CFAP54: variants seen among roughly 807,000 people sequenced by gnomAD.
The protein encoded by CFAP54 is cilia and flagella associated protein 54.
In CFAP54, 290 loss-of-function variants were observed where a neutral mutation model predicts 370.4. The ratio of observed to expected loss-of-function variants is 0.78; its 90% CI spans 0.71 to 0.86. CFAP54 has a LOEUF of 0.86. Ranked by LOEUF, CFAP54 falls within the 40% of genes least tolerant of loss-of-function variation. The pLI is 0.00. For synonymous variants in CFAP54, 1,206 were observed against 1,236.5 expected, an observed-to-expected ratio of 0.98 and a Z score of 0.52; for missense variants, 3,399 against 3,528.7, an observed-to-expected ratio of 0.96 and a Z score of 0.93.
intron 63 of CFAP54, among the ~76,000 whole-genome samples, chr12:96,801,290 G>T (rs946085352): frequency 1.3e-5 from 2 of 152,144 alleles, no homozygotes; most frequent in African/African-American, 4.8e-5. Context: ...TTGAGTATAC[G>T]AGGTAGAAAT....
chr12:96,518,617 CG>C (rs756053161), intron 5 of CFAP54, among the ~76,000 whole-genome samples: 76 of 152,222 alleles, frequency 5.0e-4, no homozygotes, highest in Admixed American at 2.0e-3. Context: ...ACCCAGGGGG[CG>C]GAGGTTGCAG....
At chr12:96,672,060 C>T (rs1957153189) in intron 39 of CFAP54, among the ~76,000 whole-genome samples, 2 of 151,808 alleles carry the variant, frequency 1.3e-5, no homozygotes, top group Non-Finnish European at 1.5e-5. Context: ...CAGGAACTGG[C>T]AGGAAATGTA....
rs776160535 is a variant in CFAP54 at position 96,504,070 on chromosome 12, T to TA, written c.567+42dup. The TA allele has an allele frequency of 2.0e-6, 3 of 1,468,416 alleles. No homozygotes were observed. In the South Asian group the frequency reaches 4.2e-5, roughly 20 times the overall value. The allele number at this position is 1,468,416 out of a possible 1,614,324, so 91.0% of individuals were successfully genotyped here. A position where few individuals can be genotyped will look rare whatever the true frequency, so the allele number is the denominator to read the frequency against. ...AGCTGAAATAGCTACAATTTATGAT[T>TA]AGCTATACAATGTATCTTTTAGTTG... On this transcript the variant is annotated intron_variant, in intron 3 of 67. Coordinates refer to ENST00000524981, the MANE Select transcript of CFAP54 (RefSeq NM_001306084.2).
intron 2 of CFAP54, among the ~76,000 whole-genome samples, chr12:96,503,399 C>G (rs1318426143): frequency 2.9e-5 from 4 of 136,782 alleles, no homozygotes; most frequent in African/African-American, 8.2e-5. Flanking sequence ...TTCCCTTCCT[C>G]CCTTCCTCTC....
intron 28 of CFAP54, among the ~76,000 whole-genome samples, chr12:96,625,157 A>G (rs967239384): frequency 6.6e-6 from 1 of 152,198 alleles, no homozygotes; most frequent in African/African-American, 2.4e-5. Context: ...TACTATTTTT[A>G]TAAAATATAC....
chr12:96,652,298 A>T (rs1448784093), intron 36 of CFAP54, among the ~76,000 whole-genome samples: 2 of 152,220 alleles, frequency 1.3e-5, no homozygotes, highest in African/African-American at 4.8e-5. Flanking sequence ...AATATAACCT[A>T]AACGCATTGA....
At chr12:96,826,366 T>TTATATATATTCAATATATTGTTA (rs951365968) in intron 65 of CFAP54, among the ~76,000 whole-genome samples, 31 of 137,022 alleles carry the variant, frequency 2.3e-4, no homozygotes, top group African/African-American at 7.5e-4. Context: ...ATACATATAG[T>TTATATATATTCAATATATTGTTA]TATATATATT....
At position 96,701,998 on chromosome 12, in the gene CFAP54, A is replaced by C. The variant is rs543861824; in HGVS notation, c.6474+1905A>C. 3.9e-5 allele frequency among the ~76,000 whole-genome samples: 6 copies of C among 152,262 alleles called. No homozygotes were observed. The South Asian group carries it at 1.2e-3, about 32-fold the overall frequency. On this transcript the variant is annotated intron_variant, in intron 46 of 67. Coordinates refer to ENST00000524981, the MANE Select transcript of CFAP54 (RefSeq NM_001306084.2). ...CACCAGTTAGGAGGCTGTTGCAGAT[A>C]ATCTGGGTGGGGCATAATAGTGATT...
intron 23 of CFAP54, among the ~76,000 whole-genome samples, chr12:96,592,258 G>A (rs1008683889): frequency 6.6e-6 from 1 of 152,124 alleles, no homozygotes; most frequent in East Asian, 1.9e-4. Flanking sequence ...ATAACTTTAT[G>A]TATTAGAACC....
intron 35 of CFAP54, among the ~76,000 whole-genome samples, chr12:96,650,419 T>C (rs1592687173): frequency 6.6e-6 from 1 of 152,304 alleles, no homozygotes; most frequent in South Asian, 2.1e-4. Context: ...GGGGTTCCTC[T>C]ATGGGGACTT....
At chr12:96,678,469 C>T (rs1565939591) in intron 39 of CFAP54, among the ~76,000 whole-genome samples, 1 of 152,160 alleles carries the variant, frequency 6.6e-6, no homozygotes, top group Non-Finnish European at 1.5e-5. Flanking sequence ...CCAGGATGGT[C>T]TCAAACTCCT....
At chr12:96,669,383 A>G in intron 39 of CFAP54, among the ~76,000 whole-genome samples, 1 of 152,222 alleles carries the variant, frequency 6.6e-6, no homozygotes, top group Non-Finnish European at 1.5e-5. Context: ...GTGTTTTTGA[A>G]AACCTTTGTC....
chr12:96,530,753 G>T (rs989346234), intron 9 of CFAP54, among the ~76,000 whole-genome samples: 2 of 152,214 alleles, frequency 1.3e-5, no homozygotes, highest in African/African-American at 4.8e-5. Context: ...GTGAGAACCT[G>T]TCATACTATT....
Position 96,743,844 on chromosome 12 carries a change from A to G in CFAP54, c.7491A>G (p.Glu2497=), listed in dbSNP as rs1958080735. Residue 2497 remains glutamate (E), a synonymous_variant, in exon 54 of 68, where the codon GAA becomes GAG. Transcript: ENST00000524981. Reference sequence around the variant, plus strand: ...TAACCAAAGCTGAGAAATTCAAGGAATCTCCCTCTTCAAAAACAGGAAAAT... The same window carrying G: ...TAACCAAAGCTGAGAAATTCAAGGAGTCTCCCTCTTCAAAAACAGGAAAAT... The part of the protein sequence containing the change: ...DDLTKAEKFK[E]SPSSKTGKLN... 1 of 1,613,834 alleles carries G rather than the reference A, an allele frequency of 6.2e-7. No individual in the cohort carries two copies.
intron 32 of CFAP54, among the ~76,000 whole-genome samples, chr12:96,632,436 A>G (rs1394982314): frequency 6.6e-6 from 1 of 152,032 alleles, no homozygotes; most frequent in Non-Finnish European, 1.5e-5. Context: ...TATGGTGAGA[A>G]GATGAGTCCC....
At chr12:96,528,275 C>T (rs1955404953) in intron 9 of CFAP54, among the ~76,000 whole-genome samples, 1 of 151,924 alleles carries the variant, frequency 6.6e-6, no homozygotes, top group South Asian at 2.1e-4. Flanking sequence ...TTAATTTTAG[C>T]AAAAGCTTTC....
chr12:96,667,870 C>A (rs1287430394), intron 39 of CFAP54, among the ~76,000 whole-genome samples: 2 of 152,152 alleles, frequency 1.3e-5, no homozygotes, highest in African/African-American at 4.8e-5. Flanking sequence ...TCTGTCACCT[C>A]TTGAACACTT....
chr12:96,799,380 G>A (rs551982157), intron 63 of CFAP54, among the ~76,000 whole-genome samples: 1 of 152,208 alleles, frequency 6.6e-6, no homozygotes, highest in African/African-American at 2.4e-5. Flanking sequence ...TGCTTTTTGT[G>A]TTCTGCATTG....
chr12:96,797,405 T>A (rs1183792787), intron 63 of CFAP54, among the ~76,000 whole-genome samples: 2 of 152,078 alleles, frequency 1.3e-5, no homozygotes, highest in Non-Finnish European at 2.9e-5. Context: ...TTTTAAAAAA[T>A]TAATTACTAA....
Sources: allele counts gnomAD v4.1 joint callset (sites outside exome capture counted in the v4.1 genomes callset), GRCh38; gene constraint gnomAD v4.1.1; transcripts MANE v1.5; gene names NCBI Gene and HGNC (gene_info 2026-07-23, HGNC 2026-07-21).